The following TTBK2 variants were observed in gnomAD, a reference collection of about 807,000 sequenced individuals.
TTBK2 encodes tau-tubulin kinase 2.
TTBK2 carries 28 observed loss-of-function variants against 110.8 expected under a neutral mutation model. The ratio of observed to expected loss-of-function variants is 0.25; its 90% CI spans 0.19 to 0.35. The LOEUF (loss-of-function observed/expected upper bound fraction) is 0.35, where lower values mean the gene tolerates loss of function less well. Among genes scored for constraint, TTBK2 ranks in the 10% least tolerant of loss-of-function variants. The pLI, the probability that TTBK2 is intolerant of heterozygous loss-of-function variation, is 1.00. For synonymous variants in TTBK2, 532 were observed against 527.3 expected, an observed-to-expected ratio of 1.01 and a Z score of -0.12; for missense variants, 1,369 against 1,500.3, an observed-to-expected ratio of 0.91 and a Z score of 1.45.
rs1944323067 is a variant in TTBK2, at chr15:42,762,740, T to G, written c.1999-9493A>C. 2.0e-5 allele frequency among the ~76,000 whole-genome samples: 3 copies of G among 150,838 alleles called. No homozygotes were observed. The South Asian group carries it at 6.3e-4, about 31-fold the overall frequency. On this transcript the variant is annotated intron_variant, in intron 13 of 14. Transcript: ENST00000267890. Reference sequence around the variant, plus strand: ...CTCAAAAAATAAATAAATAAATAAATAAAAGAAAATGTGGTATAAACAAAC... The same window carrying G: ...CTCAAAAAATAAATAAATAAATAAAGAAAAGAAAATGTGGTATAAACAAAC...
chr15:42,782,490 T>C (rs963560007), intron 11 of TTBK2, among the ~76,000 whole-genome samples: 1 of 152,242 alleles, frequency 6.6e-6, no homozygotes, highest in African/African-American at 2.4e-5. Context: ...CACAATGTTC[T>C]GTCTTGTATT....
rs536127363 is a variant in TTBK2 at position 42,877,882 on chromosome 15, A to G, written c.69+667T>C. ...TACACAGAAGAAATGCTAAGGTTAA[A>G]TATCGCTTCAAAATATTCTGGGAGA... On this transcript the variant is annotated intron_variant, in intron 2 of 14. Coordinates refer to ENST00000267890, the MANE Select transcript of TTBK2 (RefSeq NM_173500.4). Among the ~76,000 whole-genome samples the G allele has an allele frequency of 3.3e-5, 5 of 152,268 alleles. No homozygotes were observed. The South Asian group carries it at 1.0e-3, about 32-fold the overall frequency.
rs1437599490 is a variant in TTBK2, at chr15:42,837,875, T to C, written c.291+2485A>G. Among the ~76,000 whole-genome samples, 4 of 152,186 alleles carry C rather than the reference T, an allele frequency of 2.6e-5. No homozygotes were observed. The East Asian group carries it at 5.8e-4, about 22-fold the overall frequency. On this transcript the variant is annotated intron_variant, in intron 4 of 14. Transcript: ENST00000267890. ...AAGGAAGCATTTAGGCCAGGATCTA[T>C]GTCTCTAGAATCACTGTTATTTAGA...
chr15:42,882,888 G>A (rs2141143170), intron 1 of TTBK2, among the ~76,000 whole-genome samples: 1 of 152,252 alleles, frequency 6.6e-6, no homozygotes, highest in Non-Finnish European at 1.5e-5. Context: ...GTCAAGGAAA[G>A]TTCTTCTGAG....
chr15:42,889,736 A>T (rs1463526303), intron 1 of TTBK2, among the ~76,000 whole-genome samples: 1 of 152,060 alleles, frequency 6.6e-6, no homozygotes, highest in Non-Finnish European at 1.5e-5. Context: ...ATCATTCTAC[A>T]CGACAAATGC....
intron 3 of TTBK2, among the ~76,000 whole-genome samples, chr15:42,848,931 T>C (rs1207400246): frequency 6.6e-6 from 1 of 152,242 alleles, no homozygotes; most frequent in Admixed American, 6.5e-5. Flanking sequence ...TTGTATCACT[T>C]GCTAAACTCA....
chr15:42,892,704 C>CAAAA (rs35331798), intron 1 of TTBK2, among the ~76,000 whole-genome samples: 6 of 37,912 alleles, frequency 1.6e-4, no homozygotes, highest in East Asian at 7.8e-4. Context: ...GACCCTGTCT[C>CAAAA]AAAAAAAAAA....
chr15:42,747,753 C>A (rs937523737), intron 14 of TTBK2, among the ~76,000 whole-genome samples: 2 of 151,928 alleles, frequency 1.3e-5, no homozygotes, highest in African/African-American at 4.8e-5. Context: ...ACCCTAGGGC[C>A]CCTCTAATAA....
At chr15:42,800,211 A>G (rs1891126014) in intron 9 of TTBK2, 2 of 414,656 alleles carry the variant, frequency 4.8e-6, no homozygotes, top group African/African-American at 4.2e-5. Context: ...ATGACCACAT[A>G]TTACTTTTAA....
intron 1 of TTBK2, among the ~76,000 whole-genome samples, chr15:42,897,392 A>G (rs939537475): frequency 6.6e-6 from 1 of 152,134 alleles, no homozygotes; most frequent in African/African-American, 2.4e-5. Context: ...TTAATACTCT[A>G]CTATCTGAAA....
rs184588724 is a variant in TTBK2, at chr15:42,770,157, G to A, written c.1998+4978C>T. Among the ~76,000 whole-genome samples, 185 of 152,038 alleles carry A rather than the reference G, an allele frequency of 1.2e-3. 1 individual carries two copies. The highest frequency in any genetic ancestry group is 3.6e-3 in the African/African-American group (149 of 41,468). Reference sequence around the variant, plus strand: ...AAATACCTAATGTAAATGATGAGTTGATGGGTGCAGCACACCAACATGGCA... The same window carrying A: ...AAATACCTAATGTAAATGATGAGTTAATGGGTGCAGCACACCAACATGGCA... On this transcript the variant is annotated intron_variant, in intron 13 of 14. Transcript: ENST00000267890.
chr15:42,897,265 T>C (rs965852505), intron 1 of TTBK2, among the ~76,000 whole-genome samples: 2 of 152,150 alleles, frequency 1.3e-5, no homozygotes, highest in African/African-American at 4.8e-5. Flanking sequence ...TTTTTAAGAT[T>C]AGTAAGACGT....
chr15:42,746,711 GT>G lies in TTBK2; in HGVS notation c.3273-455del, dbSNP rs540972261. On this transcript the variant is annotated intron_variant, in intron 14 of 14. Transcript: ENST00000267890. ...AAACACGAAATCCCACAATGTAAGTGTTTTTTTTTTTAATTTTCTTTTTTCT... is the reference window on the plus strand; with the variant it reads ...AAACACGAAATCCCACAATGTAAGTGTTTTTTTTTTAATTTTCTTTTTTCT... 1.9e-4 allele frequency among the ~76,000 whole-genome samples: 28 copies of G among 146,858 alleles called. No individual in the cohort carries two copies. The East Asian group carries it at 2.0e-3, about 10-fold the overall frequency.
chr15:42,900,528 G>A (rs1217606830), intron 1 of TTBK2, among the ~76,000 whole-genome samples: 2 of 151,752 alleles, frequency 1.3e-5, no homozygotes, highest in African/African-American at 2.4e-5. Flanking sequence ...AGAATAGCCT[G>A]GCCAACACAG....
chr15:42,865,814 C>T (rs1894352762), intron 3 of TTBK2, among the ~76,000 whole-genome samples: 3 of 152,036 alleles, frequency 2.0e-5, no homozygotes, highest in African/African-American at 7.2e-5. Context: ...CAGAGTGAGA[C>T]TCCATTTCAA....
At chr15:42,790,848 C>T (rs930355186) in intron 10 of TTBK2, among the ~76,000 whole-genome samples, 4 of 151,478 alleles carry the variant, frequency 2.6e-5, no homozygotes, top group African/African-American at 4.9e-5. Context: ...TACAGGTGTG[C>T]GCCATCATGC....
At position 42,919,745 on chromosome 15, in the gene TTBK2, A is replaced by G; in HGVS notation, c.-68+693T>C. 3 of 974,464 alleles carry G rather than the reference A, an allele frequency of 3.1e-6. No homozygotes were observed. In the South Asian group the frequency reaches 1.4e-4, roughly 46 times the overall value. The allele number at this position is 974,464 out of a possible 1,614,324, so 60.4% of individuals were successfully genotyped here. A position where few individuals can be genotyped will look rare whatever the true frequency, so the allele number is the denominator to read the frequency against. ...TTTAATTCAAAGCAAAGTACAACTC[A>G]ATGTCATTTTTACCTCTACTGTAGC... On this transcript the variant is annotated intron_variant, in intron 1 of 14. Transcript: ENST00000267890.
chr15:42,784,437 T>C (rs35554267), intron 10 of TTBK2, among the ~76,000 whole-genome samples: 32,191 of 151,784 alleles, frequency 0.21, 3,526 homozygotes, highest in Admixed American at 0.29. Context: ...ACCACCACAC[T>C]GGGCTATTTT....
chr15:42,750,786 G>A (rs2061855008), intron 14 of TTBK2, among the ~76,000 whole-genome samples: 1 of 152,142 alleles, frequency 6.6e-6, no homozygotes, highest in Non-Finnish European at 1.5e-5. Context: ...GAAGTAGGAT[G>A]AACTCAGAGA....
Sources: gnomAD v4.1 joint callset for allele counts (sites outside exome capture counted in the v4.1 genomes callset) on GRCh38, gnomAD v4.1.1 for gene constraint, MANE v1.5 for transcripts, NCBI Gene and HGNC (gene_info 2026-07-23, HGNC 2026-07-21) for gene names.